Variants in NEGR1 observed in about 807,000 individuals in gnomAD.
The protein encoded by NEGR1 is neuronal growth regulator 1.
Under a neutral mutation model 40.9 loss-of-function variants are expected in NEGR1, and 10 were observed. The observed-to-expected ratio is 0.24, with a 90% CI of 0.15 to 0.42. The LOEUF (loss-of-function observed/expected upper bound fraction) is 0.42. Ranked by LOEUF, NEGR1 falls within the 10% of genes least tolerant of loss-of-function variation. The pLI is 1.00. For synonymous variants in NEGR1, 185 were observed against 166.8 expected, an observed-to-expected ratio of 1.11 and a Z score of -0.84; for missense variants, 352 against 438.9, an observed-to-expected ratio of 0.80 and a Z score of 1.77.
chr1:71,603,820 A>G (rs78260913), intron 5 of NEGR1, among the ~76,000 whole-genome samples: 44 of 152,320 alleles, frequency 2.9e-4, no homozygotes, highest in African/African-American at 1.0e-3. Context: ...ACTAGTTCAG[A>G]AATGCATAAC....
At chr1:72,057,995 G>A (rs970695644) in intron 1 of NEGR1, among the ~76,000 whole-genome samples, 10 of 151,420 alleles carry the variant, frequency 6.6e-5, no homozygotes, top group Admixed American at 1.3e-4. Context: ...ATCACAGTTA[G>A]GTCCCTGGCG....
chr1:72,000,630 T>C (rs1306828441), intron 1 of NEGR1, among the ~76,000 whole-genome samples: 1 of 152,204 alleles, frequency 6.6e-6, no homozygotes, highest in Non-Finnish European at 1.5e-5. Context: ...TCACGTCATG[T>C]TTGTAAATGC....
intron 1 of NEGR1, among the ~76,000 whole-genome samples, chr1:72,036,015 T>G (rs1197352610): frequency 1.4e-4 from 21 of 152,160 alleles, no homozygotes; most frequent in Admixed American, 1.4e-3. Flanking sequence ...CATAAATAAT[T>G]GCATTATAGT....
At chr1:72,121,947 A>C (rs1193757854) in intron 1 of NEGR1, among the ~76,000 whole-genome samples, 3 of 151,972 alleles carry the variant, frequency 2.0e-5, no homozygotes, top group Non-Finnish European at 2.9e-5. Context: ...TTTAAGGTTC[A>C]TATGCAAATA....
At chr1:71,868,611 A>G (rs537846586) in intron 2 of NEGR1, among the ~76,000 whole-genome samples, 1 of 152,240 alleles carries the variant, frequency 6.6e-6, no homozygotes, top group South Asian at 2.1e-4. Flanking sequence ...AACTTTAATT[A>G]CTTCATGGAA....
At chr1:71,962,171 C>A (rs6678313) in intron 1 of NEGR1, among the ~76,000 whole-genome samples, 65,381 of 151,734 alleles carry the variant, frequency 0.43, 14,680 homozygotes, top group Middle Eastern at 0.58. Flanking sequence ...ATTACACCCT[C>A]TTTCCTGAAG....
chr1:72,207,781 A>G (rs994184051), intron 1 of NEGR1, among the ~76,000 whole-genome samples: 2 of 151,752 alleles, frequency 1.3e-5, no homozygotes, highest in African/African-American at 4.8e-5. Context: ...ATTAAAATTC[A>G]TGAGATTAAA....
intron 1 of NEGR1, among the ~76,000 whole-genome samples, chr1:71,981,766 T>A (rs1288953502): frequency 6.6e-6 from 1 of 152,102 alleles, no homozygotes; most frequent in Admixed American, 6.5e-5. Flanking sequence ...GCCCCAGCCT[T>A]ACCAGTAACT....
At chr1:71,472,028 T>C (rs763206210) in intron 6 of NEGR1, among the ~76,000 whole-genome samples, 77 of 152,146 alleles carry the variant, frequency 5.1e-4, no homozygotes, top group Admixed American at 1.3e-3. Flanking sequence ...AGTCTTCTGA[T>C]CACATGTTGT....
chr1:71,828,339 C>T (rs1230192428), intron 2 of NEGR1, among the ~76,000 whole-genome samples: 2 of 151,798 alleles, frequency 1.3e-5, no homozygotes, highest in Admixed American at 6.6e-5. Flanking sequence ...ACTCTTCATC[C>T]TTTCATATGG....
chr1:72,072,148 TAAG>T (rs918018430), intron 1 of NEGR1, among the ~76,000 whole-genome samples: 2 of 152,186 alleles, frequency 1.3e-5, no homozygotes, highest in Non-Finnish European at 2.9e-5. Context: ...TCCTTAGTTA[TAAG>T]GATCCCTAAT....
chr1:71,407,140 G>A lies in NEGR1; in HGVS notation c.*306C>T, dbSNP rs967425779. The stretch of plus-strand genomic sequence containing the variant: ...TACAGCCTGCAACCTAGCAGACCAT[G>A]ACTGAATGCTTTTGAAAAGTTGTAG... On this transcript the variant is annotated 3_prime_UTR_variant, in exon 7 of 7. Coordinates refer to ENST00000357731, the MANE Select transcript of NEGR1 (RefSeq NM_173808.3). 2 of 200,814 alleles carry A rather than the reference G, an allele frequency of 1.0e-5. No individual in the cohort carries two copies. The highest frequency in any genetic ancestry group is 2.3e-5 in the African/African-American group (1 of 42,874). 12.4% of individuals were successfully genotyped at this position (200,814 alleles called of 1,614,324 possible). A position where few individuals can be genotyped will look rare whatever the true frequency, so the allele number is the denominator to read the frequency against.
intron 2 of NEGR1, among the ~76,000 whole-genome samples, chr1:71,911,895 C>G (rs17091894): frequency 0.22 from 32,852 of 151,982 alleles, 4,353 homozygotes; most frequent in East Asian, 0.5. Context: ...AAGAGTCTAC[C>G]ACCACACCCC....
chr1:72,272,132 A>G (rs1655867883), intron 1 of NEGR1, among the ~76,000 whole-genome samples: 1 of 151,898 alleles, frequency 6.6e-6, no homozygotes, highest in Non-Finnish European at 1.5e-5. Flanking sequence ...TTATAGTTCT[A>G]AATAATGAAA....
intron 1 of NEGR1, among the ~76,000 whole-genome samples, chr1:72,030,953 A>G (rs1203915233): frequency 6.6e-6 from 1 of 152,146 alleles, no homozygotes; most frequent in Non-Finnish European, 1.5e-5. Context: ...TGTTTTGTGC[A>G]TAGTTTCTTA....
chr1:72,111,179 GT>G (rs1272543391), intron 1 of NEGR1, among the ~76,000 whole-genome samples: 1 of 151,242 alleles, frequency 6.6e-6, no homozygotes, highest in Non-Finnish European at 1.5e-5. Context: ...TACTGAACAT[GT>G]GTTCCATGAT....
intron 1 of NEGR1, among the ~76,000 whole-genome samples, chr1:72,087,725 TG>T (rs1308137955): frequency 6.7e-6 from 1 of 149,336 alleles, no homozygotes; most frequent in African/African-American, 2.5e-5. Flanking sequence ...CCTAAGTAGC[TG>T]GGACAACAGG....
In NEGR1 at chr1:72,254,647, A is replaced by G. The variant is rs190695838; in HGVS notation, c.176+27672T>C. Among the ~76,000 whole-genome samples the G allele has an allele frequency of 4.8e-3, 712 of 147,688 alleles. 3 individuals carry two copies. Among genetic ancestry groups the G allele is most frequent in the African/African-American group, 0.017 (681 of 39,932 alleles). On this transcript the variant is annotated intron_variant, in intron 1 of 6. Transcript: ENST00000357731. The stretch of plus-strand genomic sequence containing the variant: ...AACCCAGGAGGAGGAGCTTGAAGTG[A>G]GCTGAGATAGCGCCACTGCACTCCA...
intron 1 of NEGR1, among the ~76,000 whole-genome samples, chr1:72,183,471 C>T (rs12726084): frequency 0.12 from 18,541 of 152,034 alleles, 1,596 homozygotes; most frequent in Non-Finnish European, 0.19. Flanking sequence ...AGTATAAGTG[C>T]CTAAAGTCTC....
Sources: allele counts gnomAD v4.1 joint callset (sites outside exome capture counted in the v4.1 genomes callset), GRCh38; gene constraint gnomAD v4.1.1; transcripts MANE v1.5; gene names NCBI Gene and HGNC (gene_info 2026-07-23, HGNC 2026-07-21).